The following LRRFIP1 variants were observed in gnomAD, a reference collection of about 807,000 sequenced individuals.
The protein encoded by LRRFIP1 is LRR binding FLII interacting protein 1.
A neutral mutation model predicts 104.4 loss-of-function variants in LRRFIP1; 62 were observed. The observed-to-expected ratio is 0.59, with a 90% CI of 0.48 to 0.73. The LOEUF (loss-of-function observed/expected upper bound fraction) is 0.73. Among genes scored for constraint, LRRFIP1 ranks in the 30% least tolerant of loss-of-function variants. The probability of loss-of-function intolerance (pLI) is 0.00; values close to 1 mark genes in which losing one functional copy is unlikely to be tolerated. For synonymous variants in LRRFIP1, 300 were observed against 299.0 expected, an observed-to-expected ratio of 1.00 and a Z score of -0.03; for missense variants, 796 against 824.5, an observed-to-expected ratio of 0.97 and a Z score of 0.42.
At position 237,760,192 on chromosome 2, in the gene LRRFIP1, G is replaced by A. The variant is rs764798291; in HGVS notation, c.1446G>A (p.Gly482=). 5.0e-6 allele frequency: 8 copies of A among 1,613,926 alleles called. No individual in the cohort carries two copies. Among genetic ancestry groups the A allele is most frequent in the Non-Finnish European group, 6.8e-6 (8 of 1,179,988 alleles). ...AGTTAAATGCCCTCAAGTCGACAGGGGATGGGACCCTAGGTAAGTATTTGC... is the reference window on the plus strand; with the variant it reads ...AGTTAAATGCCCTCAAGTCGACAGGAGATGGGACCCTAGGTAAGTATTTGC... ...KEELNALKST[G]DGTLDIRLKK... is the part of the protein sequence containing the mutation. The change falls in exon 19 of 24, where the codon GGG becomes GGA. Residue 482 remains glycine, a synonymous_variant. Coordinates refer to ENST00000308482, the MANE Select transcript of LRRFIP1 (RefSeq NM_001137550.2).
At chr2:237,763,155 C>G (rs1339407876) in intron 19 of LRRFIP1, 1 of 1,614,202 alleles carries the variant, frequency 6.2e-7, no homozygotes, top group African/African-American at 1.3e-5. Context: ...AACCAGGAAG[C>G]AGCTGAGCCC....
rs10645424 is a variant in LRRFIP1 at position 237,641,496 on chromosome 2, CAAA to C, written c.96+13773_96+13775del. 3.0e-4 allele frequency among the ~76,000 whole-genome samples: 36 copies of C among 121,972 alleles called. No homozygotes were observed. The South Asian group carries it at 7.0e-3, about 24-fold the overall frequency. 80.0% of individuals were successfully genotyped at this position (121,972 alleles called of 152,430 possible). On this transcript the variant is annotated intron_variant, in intron 1 of 23. Transcript: ENST00000308482. Reference sequence around the variant, plus strand: ...TGGGCAACAGAGTAAGACTCTGTCTCAAAAAAAAAAAAAAAAAAATTGTGTTCC... The same window carrying C: ...TGGGCAACAGAGTAAGACTCTGTCTCAAAAAAAAAAAAAAAATTGTGTTCC...
chr2:237,704,680 T>C (rs1406364049), intron 1 of LRRFIP1, among the ~76,000 whole-genome samples: 1 of 152,174 alleles, frequency 6.6e-6, no homozygotes, highest in African/African-American at 2.4e-5. Context: ...ATATGAGTCA[T>C]GTGAGGATCG....
chr2:237,779,599 C>A lies in LRRFIP1; in HGVS notation c.*67C>A. On this transcript the variant is annotated 3_prime_UTR_variant, in exon 24 of 24. Transcript: ENST00000308482. ...ATTGTTTCATAGGCTTTTCTCTGTC[C>A]TATCTGGGAGCGCTGCTTCTTCCCC... The A allele has an allele frequency of 1.4e-6, 2 of 1,409,784 alleles. No individual in the cohort carries two copies. The highest frequency in any genetic ancestry group is 2.0e-6 in the Non-Finnish European group (2 of 1,003,390). The allele number at this position is 1,409,784 out of a possible 1,614,324, so 87.3% of individuals were successfully genotyped here.
At chr2:237,731,985 A>G (rs754520234) in intron 8 of LRRFIP1, among the ~76,000 whole-genome samples, 13 of 152,246 alleles carry the variant, frequency 8.5e-5, no homozygotes, top group Non-Finnish European at 1.3e-4. Context: ...TTATTTAAAT[A>G]TAATAATGGA....
At chr2:237,660,513 G>A (rs1032665235) in intron 1 of LRRFIP1, among the ~76,000 whole-genome samples, 6 of 152,322 alleles carry the variant, frequency 3.9e-5, no homozygotes, top group Middle Eastern at 3.4e-3. Context: ...TATCTCTGCA[G>A]AGTACAGCTG....
At chr2:237,662,506 AT>A (rs556414200) in intron 1 of LRRFIP1, among the ~76,000 whole-genome samples, 2,053 of 150,768 alleles carry the variant, frequency 0.014, 44 homozygotes, top group African/African-American at 0.046. Flanking sequence ...GATAAGGACA[AT>A]TTTTTTTTCA....
At chr2:237,676,789 C>T (rs1197903879) in intron 1 of LRRFIP1, among the ~76,000 whole-genome samples, 1 of 152,188 alleles carries the variant, frequency 6.6e-6, no homozygotes, top group African/African-American at 2.4e-5. Flanking sequence ...AGGCGTGAGC[C>T]ACAGTGCCCG....
intron 1 of LRRFIP1, among the ~76,000 whole-genome samples, chr2:237,690,464 C>G (rs531292194): frequency 2.1e-4 from 32 of 152,312 alleles, no homozygotes; most frequent in African/African-American, 7.2e-4. Context: ...AGGCCAGGCG[C>G]GGTGGCTCAC....
At chr2:237,748,434 A>G in intron 12 of LRRFIP1, 35 bp downstream of exon 12, 2 of 1,551,846 alleles carry the variant, frequency 1.3e-6, no homozygotes, top group Non-Finnish European at 8.7e-7. Flanking sequence ...AGGGTCCCAA[A>G]AGTTGTGGAT....
chr2:237,713,631 A>G (rs73099098), intron 2 of LRRFIP1, among the ~76,000 whole-genome samples: 2,654 of 144,814 alleles, frequency 0.018, 79 homozygotes, highest in African/African-American at 0.06. Flanking sequence ...GTCTTAATGA[A>G]TGAATGAATG....
chr2:237,710,387 G>A (rs570808188), intron 2 of LRRFIP1, among the ~76,000 whole-genome samples: 3 of 151,788 alleles, frequency 2.0e-5, no homozygotes, highest in East Asian at 3.9e-4. Context: ...GGGTTCAAGC[G>A]ATTCTCCTGC....
rs1386606519 is a variant in LRRFIP1, at chr2:237,703,492, C to T, written c.97-5052C>T. On this transcript the variant is annotated intron_variant, in intron 1 of 23. Transcript: ENST00000308482. This position sits in a 1 kb window ranked among gnomAD's most constrained non-coding sequence, Gnocchi z 4.3. ...TTCTTTCAAGACGAGGTTCCAGATA[C>T]GGAGGCTGAGGGCGAGGGTCTGCAC... Among the ~76,000 whole-genome samples the T allele has an allele frequency of 2.0e-5, 3 of 152,180 alleles. No homozygotes were observed. Among genetic ancestry groups the T allele is most frequent in the Non-Finnish European group, 2.9e-5 (2 of 68,036 alleles).
intron 1 of LRRFIP1, among the ~76,000 whole-genome samples, chr2:237,681,834 T>C (rs1002946478): frequency 6.0e-5 from 9 of 149,356 alleles, no homozygotes; most frequent in Non-Finnish European, 4.5e-5. Context: ...CGCCCGCCAC[T>C]ACGCCCGGCT....
At chr2:237,634,969 T>C (rs1260054143) in intron 1 of LRRFIP1, among the ~76,000 whole-genome samples, 1 of 152,192 alleles carries the variant, frequency 6.6e-6, no homozygotes. Context: ...GTCTGGATGT[T>C]CTCCTCAGGG....
intron 23 of LRRFIP1, among the ~76,000 whole-genome samples, chr2:237,778,916 C>CAAA (rs35820087): frequency 1.5e-5 from 2 of 137,622 alleles, no homozygotes; most frequent in Non-Finnish European, 1.6e-5. Flanking sequence ...GACTTTGTCT[C>CAAA]AAAAAAAAAA....
At position 237,654,643 on chromosome 2, in the gene LRRFIP1, C is replaced by T. The variant is rs186436834; in HGVS notation, c.96+26903C>T. 1.2e-3 allele frequency among the ~76,000 whole-genome samples: 180 copies of T among 152,052 alleles called. 1 individual carries two copies. The highest frequency in any genetic ancestry group is 1.9e-3 in the Non-Finnish European group (127 of 67,986). On this transcript the variant is annotated intron_variant, in intron 1 of 23. Coordinates refer to ENST00000308482, the MANE Select transcript of LRRFIP1 (RefSeq NM_001137550.2). Reference sequence around the variant, plus strand: ...TCTGCTCACTGCAACCTCCGCCTCACGGGTTCAAGTGATTCTCCTGCCTCA... The same window carrying T: ...TCTGCTCACTGCAACCTCCGCCTCATGGGTTCAAGTGATTCTCCTGCCTCA...
chr2:237,737,520 T>C (rs891955320), intron 10 of LRRFIP1, among the ~76,000 whole-genome samples: 7 of 152,246 alleles, frequency 4.6e-5, no homozygotes, highest in African/African-American at 1.4e-4. Context: ...GTTTGAGAGC[T>C]GCTTTTGCTT....
intron 1 of LRRFIP1, among the ~76,000 whole-genome samples, chr2:237,699,952 C>T (rs2093423141): frequency 6.6e-6 from 1 of 152,206 alleles, no homozygotes; most frequent in East Asian, 1.9e-4. Context: ...GTGAGATTGC[C>T]CACATGAGCA....
Sources: allele counts gnomAD v4.1 joint callset (sites outside exome capture counted in the v4.1 genomes callset), GRCh38; gene constraint gnomAD v4.1.1; non-coding constraint Gnocchi (gnomAD v3.1); transcripts MANE v1.5; gene names NCBI Gene and HGNC (gene_info 2026-07-23, HGNC 2026-07-21).